The following EXT1 variants were observed in gnomAD, a reference collection of about 807,000 sequenced individuals.
EXT1 encodes the protein exostosin-1.
Under a neutral mutation model 82.5 loss-of-function variants are expected in EXT1, and 20 were observed. That is an observed-to-expected ratio of 0.24 (90% CI 0.17 to 0.35). The LOEUF (loss-of-function observed/expected upper bound fraction) is 0.35. Among genes scored for constraint, EXT1 ranks in the 10% least tolerant of loss-of-function variants. EXT1 has a pLI of 1.00. For missense variants in EXT1, 757 were observed against 936.5 expected, an observed-to-expected ratio of 0.81 and a Z score of 2.50; for synonymous variants, 348 against 350.8, an observed-to-expected ratio of 0.99 and a Z score of 0.09.
Position 117,847,951 on chromosome 8 carries a change from T to G in EXT1, c.963-10750A>C, listed in dbSNP as rs1427948788. Reference sequence around the variant, plus strand: ...ATGCCACCAACCTCACCTTCCCATTTTCTCTCCCACTGTTGCATCACTAGC... The same window carrying G: ...ATGCCACCAACCTCACCTTCCCATTGTCTCTCCCACTGTTGCATCACTAGC... On this transcript the variant is annotated intron_variant, in intron 1 of 10. Transcript: ENST00000378204. Among the ~76,000 whole-genome samples the G allele has an allele frequency of 2.0e-5, 3 of 152,214 alleles. No homozygotes were observed. The East Asian group carries it at 5.8e-4, about 29-fold the overall frequency.
rs1477851350 is a variant in EXT1, at chr8:118,050,208, G to C, written c.962+59877C>G. Among the ~76,000 whole-genome samples, 3 of 152,238 alleles carry C rather than the reference G, an allele frequency of 2.0e-5. No individual in the cohort carries two copies. The East Asian group carries it at 5.8e-4, about 29-fold the overall frequency. On this transcript the variant is annotated intron_variant, in intron 1 of 10. Transcript: ENST00000378204. ...TTTTCACTCCAGTTCTGTGTGAACA[G>C]AGGACCTGAGGTAAGGCAATGAACC...
chr8:117,803,151 T>C (rs1823191105), intron 10 of EXT1, among the ~76,000 whole-genome samples: 1 of 152,146 alleles, frequency 6.6e-6, no homozygotes, highest in Non-Finnish European at 1.5e-5. Flanking sequence ...TGATTTAACG[T>C]GAGTGAATCT....
chr8:117,946,960 T>C (rs1814401598), intron 1 of EXT1, among the ~76,000 whole-genome samples: 1 of 152,142 alleles, frequency 6.6e-6, no homozygotes, highest in African/African-American at 2.4e-5. Flanking sequence ...TTTATGATAT[T>C]TATGGGGCGG....
At chr8:117,940,442 A>G (rs1324238795) in intron 1 of EXT1, among the ~76,000 whole-genome samples, 1 of 152,200 alleles carries the variant, frequency 6.6e-6, no homozygotes, top group African/African-American at 2.4e-5. Context: ...ACATTCCCAC[A>G]GGGCTAAAAG....
At chr8:118,096,962 A>G (rs1056045393) in intron 1 of EXT1, among the ~76,000 whole-genome samples, 8 of 152,218 alleles carry the variant, frequency 5.3e-5, no homozygotes, top group Non-Finnish European at 8.8e-5. Context: ...CATTTATGCA[A>G]CAAACACTGA....
At chr8:117,917,452 G>A (rs1269597221) in intron 1 of EXT1, among the ~76,000 whole-genome samples, 1 of 152,160 alleles carries the variant, frequency 6.6e-6, no homozygotes, top group African/African-American at 2.4e-5. Context: ...ACGACAGAGT[G>A]AGACGCCATC....
chr8:118,037,286 C>A (rs940108620), intron 1 of EXT1, among the ~76,000 whole-genome samples: 3 of 152,008 alleles, frequency 2.0e-5, no homozygotes, highest in African/African-American at 7.3e-5. Context: ...TGTACGTGTG[C>A]ACAGAAATTC....
At chr8:117,911,940 A>T (rs1207708031) in intron 1 of EXT1, among the ~76,000 whole-genome samples, 1 of 152,164 alleles carries the variant, frequency 6.6e-6, no homozygotes, top group Non-Finnish European at 1.5e-5. Flanking sequence ...TTCTCACGGG[A>T]GCTATGTTTA....
chr8:117,934,934 T>A (rs1383107094), intron 1 of EXT1, among the ~76,000 whole-genome samples: 1 of 152,180 alleles, frequency 6.6e-6, no homozygotes, highest in East Asian at 1.9e-4. Context: ...ATCCTACACA[T>A]GCATCTATCC....
intron 10 of EXT1, 149 bp downstream of exon 10, chr8:117,804,573 A>G: frequency 1.2e-6 from 1 of 867,732 alleles, no homozygotes; most frequent in Non-Finnish European, 1.9e-6. Context: ...CCAATCATAC[A>G]CTCTTTTCTA....
At chr8:117,800,803 G>A (rs1823155787) in intron 10 of EXT1, among the ~76,000 whole-genome samples, 1 of 152,120 alleles carries the variant, frequency 6.6e-6, no homozygotes, top group Non-Finnish European at 1.5e-5. Context: ...CCTAAAGTTG[G>A]TTAAATATTT....
intron 1 of EXT1, among the ~76,000 whole-genome samples, chr8:118,048,023 A>AT (rs199998123): frequency 7.2e-5 from 9 of 125,286 alleles, no homozygotes; most frequent in East Asian, 4.3e-4. Context: ...AAGAATTAAT[A>AT]TTAAAAAAAA....
intron 1 of EXT1, among the ~76,000 whole-genome samples, chr8:118,006,906 T>C (rs916144364): frequency 2.6e-5 from 4 of 152,222 alleles, no homozygotes; most frequent in East Asian, 1.9e-4. Context: ...AGCGTAGGGC[T>C]GCCAAATCTT....
At chr8:118,074,313 T>C (rs1174440769) in intron 1 of EXT1, among the ~76,000 whole-genome samples, 3 of 152,156 alleles carry the variant, frequency 2.0e-5, no homozygotes, top group African/African-American at 7.2e-5. Flanking sequence ...ATTCGCCCCT[T>C]TTCCTGTTGC....
intron 1 of EXT1, among the ~76,000 whole-genome samples, chr8:118,053,170 T>C (rs1024383695): frequency 6.6e-5 from 10 of 152,154 alleles, no homozygotes; most frequent in African/African-American, 2.4e-4. Context: ...GGTTGGAGAA[T>C]GGTCACAAAC....
intron 1 of EXT1, among the ~76,000 whole-genome samples, chr8:117,976,245 C>A (rs1187183268): frequency 6.6e-6 from 1 of 152,170 alleles, no homozygotes; most frequent in Non-Finnish European, 1.5e-5. Flanking sequence ...AAATAGCCTA[C>A]CGCCCAGCAA....
In EXT1 at chr8:118,092,802, G is replaced by A. The variant is rs182735080; in HGVS notation, c.962+17283C>T. Among the ~76,000 whole-genome samples the A allele has an allele frequency of 3.5e-3, 526 of 152,332 alleles. 13 individuals are homozygous for A. Among genetic ancestry groups the A allele is most frequent in the Admixed American group, 0.033 (501 of 15,304 alleles). ...GGGAATGCCCTAGGCTGAAGGGCAG[G>A]CCAAATCACTGCTGATTTATTCTCT... On this transcript the variant is annotated intron_variant, in intron 1 of 10. Coordinates refer to ENST00000378204, the MANE Select transcript of EXT1 (RefSeq NM_000127.3).
At chr8:117,877,746 T>C (rs1261100312) in intron 1 of EXT1, among the ~76,000 whole-genome samples, 1 of 152,074 alleles carries the variant, frequency 6.6e-6, no homozygotes, top group Non-Finnish European at 1.5e-5. Context: ...TACAATATGG[T>C]GGTATATATG....
chr8:117,858,941 C>T (rs567026061), intron 1 of EXT1, among the ~76,000 whole-genome samples: 259 of 152,066 alleles, frequency 1.7e-3, no homozygotes, highest in South Asian at 6.2e-3. Context: ...CTTTCAGCAA[C>T]CACCACTTGA....
Sources: allele counts gnomAD v4.1 joint callset (sites outside exome capture counted in the v4.1 genomes callset), GRCh38; gene constraint gnomAD v4.1.1; transcripts MANE v1.5; gene names NCBI Gene and HGNC (gene_info 2026-07-23, HGNC 2026-07-21).